The following HS3ST1 variants were observed in gnomAD, a reference collection of about 807,000 sequenced individuals.
HS3ST1 encodes the protein heparan sulfate glucosamine 3-O-sulfotransferase 1.
In HS3ST1, 8 loss-of-function variants were observed where a neutral mutation model predicts 20.7. The ratio of observed to expected loss-of-function variants is 0.39; its 90% confidence interval spans 0.23 to 0.70. The LOEUF (loss-of-function observed/expected upper bound fraction) is 0.70. HS3ST1 is among the 30% of genes least tolerant of loss of function. The pLI is 0.46. For synonymous variants in HS3ST1, 205 were observed against 190.4 expected, an observed-to-expected ratio of 1.08 and a Z score of -0.63; for missense variants, 436 against 423.4, an observed-to-expected ratio of 1.03 and a Z score of -0.26.
Position 11,394,512 on chromosome 4 carries a change from A to C in HS3ST1, c.*4570T>G, listed in dbSNP as rs1444051379. ...TTTAACTCAGGCTCAGTCTTCCGAA[A>C]TGAGCTGCTGCCGGTTAGGAGCATG... is the stretch of plus-strand genomic sequence containing the variant. On this transcript the variant is annotated 3_prime_UTR_variant, in exon 2 of 2. Transcript: ENST00000002596. 1 of 152,214 alleles carries C rather than the reference A, an allele frequency of 6.6e-6. No individual in the cohort carries two copies. The highest frequency in any genetic ancestry group is 2.4e-5 in the African/African-American group (1 of 41,440). The allele number at this position is 152,214 out of a possible 1,614,324, so 9.4% of individuals were successfully genotyped here.
chr4:11,399,715 G>A lies in HS3ST1; in HGVS notation c.291C>T (p.Ser97=). The change falls in exon 2 of 2, where the codon AGC becomes AGT. Residue 97 remains serine (S), a synonymous_variant. Transcript: ENST00000002596. This position sits in a 1 kb window ranked among gnomAD's most constrained non-coding sequence, Gnocchi z 5.1. ...VHFFDWEEHY[S]HGLGWYLSQM... ...GGCTGAGGTACCAGCCCAAGCCGTG[G>A]CTGTAATGCTCCTCCCAGTCGAAGA... 1 of 1,613,928 alleles carries A rather than the reference G, an allele frequency of 6.2e-7. No homozygotes were observed. The highest frequency in any genetic ancestry group is 8.5e-7 in the Non-Finnish European group (1 of 1,180,040).
upstream of HS3ST1, among the ~76,000 whole-genome samples, chr4:11,434,157 G>T (rs1419338531): frequency 1.3e-5 from 2 of 152,132 alleles, no homozygotes; most frequent in Non-Finnish European, 2.9e-5. Flanking sequence ...TCTTTCCATA[G>T]ACTTTGGAAC....
intron 1 of HS3ST1, among the ~76,000 whole-genome samples, chr4:11,412,517 A>G (rs1481743325): frequency 1.3e-5 from 2 of 152,188 alleles, no homozygotes; most frequent in African/African-American, 4.8e-5. Flanking sequence ...GTGGGCATCT[A>G]ACATTTTATA....
At chr4:11,433,806 C>T (rs11931585), upstream of HS3ST1, among the ~76,000 whole-genome samples, 22,481 of 152,172 alleles carry the variant, frequency 0.15, 1,752 homozygotes, top group Middle Eastern at 0.23. Flanking sequence ...AAATTCAATC[C>T]CTTACTTAGG....
intron 1 of HS3ST1, among the ~76,000 whole-genome samples, chr4:11,406,201 A>G (rs1193226720): frequency 6.6e-6 from 1 of 152,242 alleles, no homozygotes; most frequent in Non-Finnish European, 1.5e-5. Context: ...TATTTCTTCT[A>G]ATACTTGCAA....
intron 1 of HS3ST1, chr4:11,414,025 A>G (rs1358948872): frequency 6.6e-6 from 1 of 152,148 alleles, no homozygotes; most frequent in Non-Finnish European, 1.5e-5. Context: ...TGCATGAGAT[A>G]GGCTTCTTTC....
chr4:11,413,225 G>T (rs1718683641), intron 1 of HS3ST1, among the ~76,000 whole-genome samples: 1 of 152,280 alleles, frequency 6.6e-6, no homozygotes, highest in Admixed American at 6.5e-5. Context: ...CATACCATTA[G>T]AAGAGAATCC....
intron 1 of HS3ST1, among the ~76,000 whole-genome samples, chr4:11,412,909 A>C (rs1718676211): frequency 6.6e-6 from 1 of 152,172 alleles, no homozygotes; most frequent in Admixed American, 6.5e-5. Flanking sequence ...CTAGGAGGCA[A>C]GTAGGTCATG....
intron 1 of HS3ST1, among the ~76,000 whole-genome samples, chr4:11,412,998 TG>T (rs1441555073): frequency 6.6e-6 from 1 of 152,064 alleles, no homozygotes; most frequent in African/African-American, 2.4e-5. Flanking sequence ...TTCTGCCATG[TG>T]GGGTACAAGG....
intron 1 of HS3ST1, among the ~76,000 whole-genome samples, chr4:11,425,142 C>T (rs571517625): frequency 1.3e-5 from 2 of 152,344 alleles, no homozygotes; most frequent in African/African-American, 4.8e-5. Context: ...TCCAATCACT[C>T]ATTCAATTAT....
chr4:11,427,875 G>C (rs561835414), intron 1 of HS3ST1, among the ~76,000 whole-genome samples: 1 of 152,320 alleles, frequency 6.6e-6, no homozygotes, highest in South Asian at 2.1e-4. Context: ...CCTGGGACAG[G>C]CTGGGGCTAG....
chr4:11,428,649 C>T (rs1719132617), intron 1 of HS3ST1, 50 bp downstream of exon 1: 1 of 153,014 alleles, frequency 6.5e-6, no homozygotes, highest in Non-Finnish European at 1.5e-5. Context: ...CCTCGGAGCC[C>T]TCTACACCTG....
intron 1 of HS3ST1, among the ~76,000 whole-genome samples, chr4:11,401,701 T>C (rs1040681216): frequency 1.3e-5 from 2 of 152,224 alleles, no homozygotes; most frequent in African/African-American, 4.8e-5. Context: ...TATTAGTCTA[T>C]TTCAAAATTT....
intron 1 of HS3ST1, among the ~76,000 whole-genome samples, chr4:11,423,216 G>A (rs1718982053): frequency 6.6e-6 from 1 of 152,014 alleles, no homozygotes; most frequent in African/African-American, 2.4e-5. Context: ...GTTCATCAAT[G>A]TACTCTAACA....
chr4:11,421,183 G>C (rs1273363491), intron 1 of HS3ST1, among the ~76,000 whole-genome samples: 1 of 152,066 alleles, frequency 6.6e-6, no homozygotes, highest in African/African-American at 2.4e-5. Flanking sequence ...ATCCTCACTA[G>C]AGTATGGAAA....
chr4:11,431,498 T>C (rs1282941523), upstream of HS3ST1, among the ~76,000 whole-genome samples: 2 of 152,198 alleles, frequency 1.3e-5, no homozygotes, highest in Non-Finnish European at 2.9e-5. Context: ...ATTGAGCACC[T>C]AGTATGTGTA....
At chr4:11,431,033 G>C (rs1046345482), upstream of HS3ST1, among the ~76,000 whole-genome samples, 2 of 152,136 alleles carry the variant, frequency 1.3e-5, no homozygotes, top group African/African-American at 4.8e-5. Context: ...TTCTTATCCA[G>C]AAGCTCATGT....
At chr4:11,431,413 T>G (rs6823761), upstream of HS3ST1, among the ~76,000 whole-genome samples, 5,949 of 152,202 alleles carry the variant, frequency 0.039, 217 homozygotes, top group African/African-American at 0.1. Flanking sequence ...TTTTATCAGT[T>G]CCAACAACTG....
upstream of HS3ST1, among the ~76,000 whole-genome samples, chr4:11,433,839 G>T (rs1031793257): frequency 6.6e-6 from 1 of 152,192 alleles, no homozygotes; most frequent in African/African-American, 2.4e-5. Context: ...TGCATTAACA[G>T]AAAAATTACA....
Sources: gnomAD v4.1 joint callset for allele counts (sites outside exome capture counted in the v4.1 genomes callset) on GRCh38, gnomAD v4.1.1 for gene constraint, Gnocchi (gnomAD v3.1) non-coding constraint, MANE v1.5 for transcripts, NCBI Gene and HGNC (gene_info 2026-07-23, HGNC 2026-07-21) for gene names.